Variants in SUPT3H observed in about 807,000 individuals in gnomAD.
The protein encoded by SUPT3H is SPT3 homolog, SAGA and STAGA complex component.
Under a neutral mutation model 44.3 loss-of-function variants are expected in SUPT3H, and 44 were observed. The ratio of observed to expected loss-of-function variants is 0.99; its 90% CI spans 0.78 to 1.28. SUPT3H has a LOEUF of 1.28. Ranked by LOEUF, SUPT3H falls within the 50% of genes most tolerant of loss-of-function variation. The pLI is 0.00. For missense variants in SUPT3H, 380 were observed against 387.1 expected, an observed-to-expected ratio of 0.98 and a Z score of 0.15; for synonymous variants, 124 against 125.6, an observed-to-expected ratio of 0.99 and a Z score of 0.09.
At chr6:44,994,219 TCAGGACCTAGAA>T (rs1263338415) in intron 6 of SUPT3H, among the ~76,000 whole-genome samples, 2 of 152,088 alleles carry the variant, frequency 1.3e-5, no homozygotes, top group African/African-American at 4.8e-5. Flanking sequence ...AGTCACAGCC[TCAGGACCTAGAA>T]CAGTGATTGA....
At chr6:44,888,132 C>G (rs1228926039) in intron 10 of SUPT3H, among the ~76,000 whole-genome samples, 1 of 152,096 alleles carries the variant, frequency 6.6e-6, no homozygotes, top group East Asian at 1.9e-4. Flanking sequence ...AATGGCTTAC[C>G]AACCAAAAAG....
chr6:45,155,854 T>C (rs1439616072), intron 2 of SUPT3H, among the ~76,000 whole-genome samples: 4 of 152,098 alleles, frequency 2.6e-5, no homozygotes, highest in Admixed American at 2.0e-4. Context: ...AAGCATTCTG[T>C]TGAAGAAACC....
rs561020618 is a variant in SUPT3H at position 45,218,839 on chromosome 6, C to G, written c.102-112833G>C. On this transcript the variant is annotated intron_variant, in intron 2 of 10. Transcript: ENST00000371459. ...CAAATACTACACCAGAAAAAAGTAC[C>G]CATTGAATATTCACTAAGATAGACC... Among the ~76,000 whole-genome samples, 12 of 152,092 alleles carry G rather than the reference C, an allele frequency of 7.9e-5. No individual in the cohort carries two copies. In the South Asian group the frequency reaches 1.0e-3, roughly 13 times the overall value.
At chr6:45,021,819 T>A (rs1583106478) in intron 3 of SUPT3H, among the ~76,000 whole-genome samples, 1 of 152,020 alleles carries the variant, frequency 6.6e-6, no homozygotes, top group African/African-American at 2.4e-5. Flanking sequence ...ATAAACTCGC[T>A]ATGTGTCAGC....
chr6:44,980,952 T>G (rs932318297), intron 6 of SUPT3H, among the ~76,000 whole-genome samples: 12 of 152,222 alleles, frequency 7.9e-5, no homozygotes, highest in African/African-American at 2.4e-4. Context: ...TTTAATCTAT[T>G]CATACCTTAG....
intron 10 of SUPT3H, among the ~76,000 whole-genome samples, chr6:44,864,397 GC>G (rs1197705308): frequency 6.6e-6 from 1 of 152,182 alleles, no homozygotes; most frequent in African/African-American, 2.4e-5. Flanking sequence ...ACTAGGTGAT[GC>G]CCCAGTAGGG....
chr6:45,273,717 A>T (rs999033630), intron 2 of SUPT3H, among the ~76,000 whole-genome samples: 1 of 152,242 alleles, frequency 6.6e-6, no homozygotes, highest in Non-Finnish European at 1.5e-5. Flanking sequence ...TCATCAGGTA[A>T]CAAATATTTG....
chr6:44,971,262 GATACTA>G (rs1394962628), intron 6 of SUPT3H, among the ~76,000 whole-genome samples: 1 of 152,098 alleles, frequency 6.6e-6, no homozygotes, highest in Non-Finnish European at 1.5e-5. Flanking sequence ...TAGGGTCACT[GATACTA>G]CTCTAGTCCA....
At chr6:45,360,781 A>C (rs1794114371) in intron 2 of SUPT3H, among the ~76,000 whole-genome samples, 1 of 152,182 alleles carries the variant, frequency 6.6e-6, no homozygotes, top group African/African-American at 2.4e-5. Context: ...AGAACACTTA[A>C]CAGACATTCC....
At chr6:45,178,806 T>C (rs1309583046) in intron 2 of SUPT3H, among the ~76,000 whole-genome samples, 2 of 152,128 alleles carry the variant, frequency 1.3e-5, no homozygotes, top group Non-Finnish European at 2.9e-5. Flanking sequence ...AACCTGCTCC[T>C]GAATGACTAC....
rs569793299 is a variant in SUPT3H at position 45,112,260 on chromosome 6, TAAGAAA to T, written c.102-6260_102-6255del. 6.1e-3 allele frequency among the ~76,000 whole-genome samples: 918 copies of T among 151,664 alleles called. 13 individuals are homozygous for T. Among genetic ancestry groups the T allele is most frequent in the African/African-American group, 0.021 (875 of 41,394 alleles). ...GTAAACTGTGGGAAAATCATGAAAT[TAAGAAA>T]AAGAAAAACATGTTAAAAATGAGTA... On this transcript the variant is annotated intron_variant, in intron 2 of 10. Coordinates refer to ENST00000371459, the MANE Select transcript of SUPT3H (RefSeq NM_003599.4).
intron 10 of SUPT3H, among the ~76,000 whole-genome samples, chr6:44,906,496 G>T (rs2153450961): frequency 6.6e-6 from 1 of 152,314 alleles, no homozygotes; most frequent in Non-Finnish European, 1.5e-5. Flanking sequence ...GGGCGCGGTG[G>T]CTCATGCCTG....
chr6:44,883,992 A>G (rs1778699255), intron 10 of SUPT3H, among the ~76,000 whole-genome samples: 1 of 152,242 alleles, frequency 6.6e-6, no homozygotes, highest in Non-Finnish European at 1.5e-5. Flanking sequence ...CAATGACAGC[A>G]AAAGCCAAAA....
chr6:45,181,866 T>G (rs1035884191), intron 2 of SUPT3H, among the ~76,000 whole-genome samples: 1 of 58,542 alleles, frequency 1.7e-5, no homozygotes, highest in Non-Finnish European at 3.2e-5. Context: ...TAAAGTATAA[T>G]AATAATAAAT....
intron 10 of SUPT3H, among the ~76,000 whole-genome samples, chr6:44,878,405 G>A (rs1328098631): frequency 3.3e-5 from 5 of 151,944 alleles, no homozygotes; most frequent in African/African-American, 9.7e-5. Flanking sequence ...ATCATAAATC[G>A]TGAGATAGGC....
At chr6:45,173,850 C>T (rs1424999530) in intron 2 of SUPT3H, among the ~76,000 whole-genome samples, 2 of 152,224 alleles carry the variant, frequency 1.3e-5, no homozygotes, top group African/African-American at 4.8e-5. Context: ...CTGATGCCCC[C>T]ACCATGTATA....
At chr6:44,854,749 T>A (rs1773448555) in intron 10 of SUPT3H, among the ~76,000 whole-genome samples, 1 of 152,228 alleles carries the variant, frequency 6.6e-6, no homozygotes, top group African/African-American at 2.4e-5. Context: ...AATGTGATTT[T>A]AAAATATTAT....
chr6:45,013,304 C>G (rs1012922042), intron 5 of SUPT3H, among the ~76,000 whole-genome samples: 1 of 152,088 alleles, frequency 6.6e-6, no homozygotes, highest in African/African-American at 2.4e-5. Flanking sequence ...CTCTTAATCA[C>G]TCATCACCAG....
chr6:45,301,991 C>G (rs902584791), intron 2 of SUPT3H, among the ~76,000 whole-genome samples: 4 of 152,120 alleles, frequency 2.6e-5, no homozygotes, highest in Admixed American at 1.3e-4. Flanking sequence ...AGTAAATGAA[C>G]TGAATTTTGA....
Sources: allele counts gnomAD v4.1 joint callset (sites outside exome capture counted in the v4.1 genomes callset), GRCh38; gene constraint gnomAD v4.1.1; transcripts MANE v1.5; gene names NCBI Gene and HGNC (gene_info 2026-07-23, HGNC 2026-07-21).